CCDC178: variants seen among roughly 807,000 people sequenced by gnomAD.
CCDC178 encodes coiled-coil domain-containing protein 178.
Under a neutral mutation model 117.4 loss-of-function variants are expected in CCDC178, and 126 were observed. The ratio of observed to expected loss-of-function variants is 1.07; its 90% CI spans 0.93 to 1.24. CCDC178 has a LOEUF of 1.24. CCDC178 is among the 50% of genes most tolerant of loss of function. The probability of loss-of-function intolerance (pLI) is 0.00; values close to 1 mark genes in which losing one functional copy is unlikely to be tolerated. For synonymous variants in CCDC178, 283 were observed against 313.4 expected, an observed-to-expected ratio of 0.90 and a Z score of 1.02; for missense variants, 1,030 against 986.9, an observed-to-expected ratio of 1.04 and a Z score of -0.59.
At chr18:33,271,321 T>C (rs1044527871) in intron 12 of CCDC178, among the ~76,000 whole-genome samples, 3 of 151,396 alleles carry the variant, frequency 2.0e-5, no homozygotes, top group East Asian at 1.9e-4. Flanking sequence ...TTGAAGGAAA[T>C]GGTCCTATCA....
At chr18:33,204,396 G>A (rs1301114528) in intron 20 of CCDC178, among the ~76,000 whole-genome samples, 2 of 149,344 alleles carry the variant, frequency 1.3e-5, no homozygotes, top group African/African-American at 2.5e-5. Context: ...ACCAATAAAC[G>A]AATGAGCAAA....
chr18:32,951,837 G>A (rs1158870152), intron 22 of CCDC178, among the ~76,000 whole-genome samples: 3 of 152,176 alleles, frequency 2.0e-5, no homozygotes, highest in Non-Finnish European at 2.9e-5. Context: ...GATACAATGG[G>A]GGTACAGGCA....
At chr18:33,356,791 T>C (rs1267723577) in intron 6 of CCDC178, among the ~76,000 whole-genome samples, 1 of 152,136 alleles carries the variant, frequency 6.6e-6, no homozygotes, top group African/African-American at 2.4e-5. Flanking sequence ...ATCAAAGTAT[T>C]TCACTCCAAA....
chr18:33,325,591 C>G (rs1369093667), intron 10 of CCDC178, among the ~76,000 whole-genome samples: 1 of 151,982 alleles, frequency 6.6e-6, no homozygotes, highest in African/African-American at 2.4e-5. Context: ...AATTATTCAT[C>G]TTTTACAGGT....
chr18:32,940,844 A>G (rs780398154), intron 22 of CCDC178, among the ~76,000 whole-genome samples: 3 of 152,142 alleles, frequency 2.0e-5, no homozygotes, highest in Non-Finnish European at 4.4e-5. Flanking sequence ...TGAAATCAGA[A>G]TCAACCTCCC....
intron 21 of CCDC178, among the ~76,000 whole-genome samples, chr18:32,979,182 A>C (rs2055092246): frequency 6.6e-6 from 1 of 151,552 alleles, no homozygotes; most frequent in Admixed American, 6.6e-5. Flanking sequence ...TTTGAGACAG[A>C]GTCTTACTTT....
chr18:33,267,167 C>A (rs776381139), intron 13 of CCDC178, 35 bp downstream of exon 13: 10 of 1,538,142 alleles, frequency 6.5e-6, no homozygotes, highest in Non-Finnish European at 8.8e-6. Context: ...TAGAAAATGG[C>A]GTTCTAAGTG....
At chr18:33,440,603 C>G (rs1003395987) in intron 1 of CCDC178, 50 bp downstream of exon 1, 2 of 148,416 alleles carry the variant, frequency 1.3e-5, no homozygotes. Flanking sequence ...GGCAGCGCCC[C>G]GCGCCGAGGC....
intron 21 of CCDC178, among the ~76,000 whole-genome samples, chr18:33,011,514 T>C (rs1465446337): frequency 1.3e-5 from 2 of 151,602 alleles, no homozygotes; most frequent in Admixed American, 1.3e-4. Flanking sequence ...GGGAGCCGAG[T>C]AATGAGCTCT....
intron 21 of CCDC178, among the ~76,000 whole-genome samples, chr18:33,082,346 C>T (rs773131086): frequency 3.3e-5 from 5 of 152,106 alleles, no homozygotes; most frequent in Non-Finnish European, 5.9e-5. Flanking sequence ...GTGGCATTCA[C>T]CTGTGGTCCC....
At chr18:32,957,565 T>C (rs2054620568) in intron 22 of CCDC178, among the ~76,000 whole-genome samples, 1 of 152,198 alleles carries the variant, frequency 6.6e-6, no homozygotes, top group South Asian at 2.1e-4. Flanking sequence ...CTTACCTTCA[T>C]CATTAACTAA....
At chr18:33,277,827 C>A (rs556571803) in intron 12 of CCDC178, among the ~76,000 whole-genome samples, 44 of 152,080 alleles carry the variant, frequency 2.9e-4, no homozygotes, top group Non-Finnish European at 7.4e-5. Context: ...CCATTACAAT[C>A]CAGGATAATC....
intron 20 of CCDC178, among the ~76,000 whole-genome samples, chr18:33,171,217 A>C (rs2144423914): frequency 6.6e-6 from 1 of 152,296 alleles, no homozygotes; most frequent in East Asian, 1.9e-4. Context: ...TAACGAGTAT[A>C]AGCCTACATA....
rs2063393295 is a variant in CCDC178 at position 33,378,506 on chromosome 18, T to C, written c.209-8317A>G. The stretch of plus-strand genomic sequence containing the variant: ...ATAGTAGTCAGAATGGGCATGCTCA[T>C]CTTCTTCCAGTTCTAAAGGGGAATG... On this transcript the variant is annotated intron_variant, in intron 5 of 22. Coordinates refer to ENST00000383096, the MANE Select transcript of CCDC178 (RefSeq NM_001105528.4). 2.0e-5 allele frequency among the ~76,000 whole-genome samples: 3 copies of C among 152,296 alleles called. No individual in the cohort carries two copies. The South Asian group carries it at 6.2e-4, about 32-fold the overall frequency.
At chr18:33,379,308 G>T (rs1039835765) in intron 5 of CCDC178, among the ~76,000 whole-genome samples, 1 of 151,266 alleles carries the variant, frequency 6.6e-6, no homozygotes, top group African/African-American at 2.4e-5. Context: ...GTTCTATAGC[G>T]CTATGCACCT....
chr18:33,334,471 G>A (rs2062713138), intron 9 of CCDC178, among the ~76,000 whole-genome samples: 1 of 151,904 alleles, frequency 6.6e-6, no homozygotes, highest in African/African-American at 2.4e-5. Flanking sequence ...AAAAACCATT[G>A]AAAGATTTTC....
chr18:33,287,468 C>T (rs749496158), intron 12 of CCDC178, among the ~76,000 whole-genome samples: 34 of 151,734 alleles, frequency 2.2e-4, no homozygotes, highest in Non-Finnish European at 5.0e-4. Context: ...AAATATATAC[C>T]CAATTTCTCA....
rs1431230413 is a variant in CCDC178, at chr18:33,215,210, A to C, written c.2078+340T>G. Among the ~76,000 whole-genome samples the C allele has an allele frequency of 2.6e-5, 4 of 152,004 alleles. No homozygotes were observed. In the East Asian group the frequency reaches 7.7e-4, roughly 29 times the overall value. On this transcript the variant is annotated intron_variant, in intron 19 of 22. Transcript: ENST00000383096. Reference sequence around the variant, plus strand: ...AAAACTAATCAAAAACATTTGGGTGAAAAAACATAAATTATTAAACATGGA... The same window carrying C: ...AAAACTAATCAAAAACATTTGGGTGCAAAAACATAAATTATTAAACATGGA...
chr18:32,962,373 C>G (rs911092684), intron 22 of CCDC178, among the ~76,000 whole-genome samples: 3 of 152,010 alleles, frequency 2.0e-5, no homozygotes, highest in African/African-American at 7.2e-5. Flanking sequence ...TCTGTAGATA[C>G]AGGTTTTCTT....
Sources: allele counts gnomAD v4.1 joint callset (sites outside exome capture counted in the v4.1 genomes callset), GRCh38; gene constraint gnomAD v4.1.1; transcripts MANE v1.5; gene names NCBI Gene and HGNC (gene_info 2026-07-23, HGNC 2026-07-21).